The following UBA6 variants were observed in gnomAD, a reference collection of about 807,000 sequenced individuals.
The protein encoded by UBA6 is ubiquitin like modifier activating enzyme 6, also known as ubiquitin-like modifier-activating enzyme 6.
Under a neutral mutation model 148.3 loss-of-function variants are expected in UBA6, and 87 were observed. The observed-to-expected ratio is 0.59, with a 90% CI of 0.49 to 0.70. The LOEUF (loss-of-function observed/expected upper bound fraction) is 0.70, where lower values mean the gene tolerates loss of function less well. Among genes scored for constraint, UBA6 ranks in the 30% least tolerant of loss-of-function variants. The pLI is 0.00. For synonymous variants in UBA6, 376 were observed against 401.0 expected, an observed-to-expected ratio of 0.94 and a Z score of 0.75; for missense variants, 1,186 against 1,241.2, an observed-to-expected ratio of 0.96 and a Z score of 0.67.
intron 7 of UBA6, 77 bp from the exon 8 acceptor site, chr4:67,670,669 A>T (rs896133840): frequency 1.7e-5 from 19 of 1,127,870 alleles, no homozygotes; most frequent in Admixed American, 1.1e-4. Flanking sequence ...CCATTTCATA[A>T]CAATTTAATT....
chr4:67,627,358 C>T (rs3796715), intron 27 of UBA6, among the ~76,000 whole-genome samples: 23,144 of 151,784 alleles, frequency 0.15, 1,840 homozygotes, highest in South Asian at 0.22. Flanking sequence ...CCTGAAACTT[C>T]GGTGTGAGCT....
chr4:67,682,997 T>G (rs1730478030), intron 2 of UBA6, among the ~76,000 whole-genome samples: 1 of 152,196 alleles, frequency 6.6e-6, no homozygotes, highest in African/African-American at 2.4e-5. Flanking sequence ...TTTCAGCTTT[T>G]CATATTCAAC....
intron 2 of UBA6, among the ~76,000 whole-genome samples, chr4:67,682,905 G>T (rs1348018507): frequency 1.3e-5 from 2 of 151,890 alleles, no homozygotes; most frequent in Non-Finnish European, 2.9e-5. Context: ...GAACCCCTTG[G>T]GTTATAAGTA....
chr4:67,623,361 A>G (rs1728796538), intron 30 of UBA6, 139 bp from the exon 31 acceptor site: 11 of 617,234 alleles, frequency 1.8e-5, no homozygotes, highest in Middle Eastern at 3.3e-4. Flanking sequence ...ATAAAGGATA[A>G]TATATCTTCT....
At chr4:67,634,147 T>C in intron 22 of UBA6, 95 bp downstream of exon 22, 1 of 767,286 alleles carries the variant, frequency 1.3e-6, no homozygotes, top group South Asian at 2.3e-5. Flanking sequence ...CAATCACTCT[T>C]TATGGAGGTA....
chr4:67,641,058 A>G (rs1041246661), intron 18 of UBA6, 93 bp downstream of exon 18: 14 of 768,418 alleles, frequency 1.8e-5, no homozygotes, highest in Admixed American at 2.8e-5. Flanking sequence ...TAATAAAATA[A>G]CACGATTGTT....
At chr4:67,639,928 C>G (rs1729263796) in intron 18 of UBA6, among the ~76,000 whole-genome samples, 3 of 152,168 alleles carry the variant, frequency 2.0e-5, no homozygotes, top group African/African-American at 7.2e-5. Flanking sequence ...GAAACTGTGG[C>G]AAGCAAAACT....
At chr4:67,635,684 A>C (rs1729122006) in intron 19 of UBA6, 126 bp from the exon 20 acceptor site, 1 of 576,698 alleles carries the variant, frequency 1.7e-6, no homozygotes, top group Admixed American at 2.8e-5. Context: ...TATTTTAGGA[A>C]AACAGATATA....
chr4:67,649,006 A>G, intron 14 of UBA6, 62 bp downstream of exon 14: 2 of 1,531,180 alleles, frequency 1.3e-6, no homozygotes, highest in Admixed American at 2.0e-5. Flanking sequence ...ATACTACATT[A>G]TAATATGTAA....
intron 20 of UBA6, 112 bp from the exon 21 acceptor site, chr4:67,634,630 T>C (rs949289114): frequency 3.1e-6 from 2 of 655,336 alleles, no homozygotes; most frequent in African/African-American, 1.9e-5. Flanking sequence ...ATAAATAAAA[T>C]CCAACCAGAC....
In UBA6 at chr4:67,662,252, G is replaced by T; in HGVS notation, c.1041C>A (p.Cys347Ter). Residue 347 changes from cysteine to a stop codon, truncating the protein, a stop_gained, in exon 13 of 33, where the codon TGC becomes TGA. Transcript: ENST00000322244. LOFTEE classifies it high-confidence loss of function. ...EKYSRKPNVG[C>*]QQDSEELLKL... ...TCAACAGTTCTTCTGAATCTTGTTG[G>T]CATCTACAACTCAAAACAGAACACC... 1 of 1,612,986 alleles carries T rather than the reference G, an allele frequency of 6.2e-7. No homozygotes were observed. The highest frequency in any genetic ancestry group is 8.5e-7 in the Non-Finnish European group (1 of 1,179,490).
intron 14 of UBA6, 46 bp from the exon 15 acceptor site, chr4:67,646,837 T>C (rs1366503082): frequency 7.8e-7 from 1 of 1,289,176 alleles, no homozygotes; most frequent in East Asian, 2.7e-5. Context: ...ATAAAACAAA[T>C]TACTATAAAA....
chr4:67,643,489 T>G (rs1729354070), intron 17 of UBA6, among the ~76,000 whole-genome samples: 1 of 152,002 alleles, frequency 6.6e-6, no homozygotes, highest in Non-Finnish European at 1.5e-5. Context: ...AAGTTTTATA[T>G]GATATAATTT....
chr4:67,673,283 G>A (rs889509920), intron 7 of UBA6, among the ~76,000 whole-genome samples: 3 of 151,824 alleles, frequency 2.0e-5, no homozygotes, highest in Non-Finnish European at 4.4e-5. Context: ...GCTTGGTGGC[G>A]GGTGCCTGTA....
At chr4:67,671,000 CAG>C (rs1260131426) in intron 7 of UBA6, among the ~76,000 whole-genome samples, 5 of 151,718 alleles carry the variant, frequency 3.3e-5, no homozygotes, top group Non-Finnish European at 7.4e-5. Flanking sequence ...CCAAAAGCAG[CAG>C]AGTTAATGGA....
chr4:67,678,429 A>C lies in UBA6; in HGVS notation c.353+10T>G, dbSNP rs200806328. The C allele has an allele frequency of 3.9e-6, 6 of 1,531,758 alleles. No individual in the cohort carries two copies. The highest frequency in any genetic ancestry group is 2.8e-5 in the African/African-American group (2 of 72,242). 94.9% of individuals were successfully genotyped at this position (1,531,758 alleles called of 1,614,324 possible). On this transcript the variant is annotated intron_variant, in intron 5 of 32. Transcript: ENST00000322244. ...AAAAAACTCATGATAATACATCAAA[A>C]TATCTTTACCTGTTTCTCTTATTAA... is the stretch of plus-strand genomic sequence containing the variant.
intron 2 of UBA6, among the ~76,000 whole-genome samples, chr4:67,684,974 G>T (rs535645388): frequency 6.6e-6 from 1 of 152,092 alleles, no homozygotes; most frequent in Non-Finnish European, 1.5e-5. Flanking sequence ...GTAAGTAGTG[G>T]AGGTTAAGAG....
intron 13 of UBA6, among the ~76,000 whole-genome samples, chr4:67,650,691 A>C (rs1464489285): frequency 6.6e-6 from 1 of 152,182 alleles, no homozygotes; most frequent in Non-Finnish European, 1.5e-5. Flanking sequence ...AGAGAGCAGA[A>C]AATACGAAGA....
intron 26 of UBA6, among the ~76,000 whole-genome samples, chr4:67,630,037 G>A (rs1258535147): frequency 1.3e-5 from 2 of 152,052 alleles, no homozygotes; most frequent in Non-Finnish European, 2.9e-5. Context: ...CAATATAAGG[G>A]AGCATTTTCA....
Sources: allele counts gnomAD v4.1 joint callset (sites outside exome capture counted in the v4.1 genomes callset), GRCh38; gene constraint gnomAD v4.1.1; transcripts MANE v1.5; gene names NCBI Gene and HGNC (gene_info 2026-07-23, HGNC 2026-07-21).